Variants in VPS4B observed in about 807,000 individuals in gnomAD.
VPS4B encodes the protein vacuolar protein sorting-associated protein 4B.
VPS4B carries 23 observed loss-of-function variants against 56.1 expected under a neutral mutation model. The ratio of observed to expected loss-of-function variants is 0.41; its 90% CI spans 0.30 to 0.58. VPS4B has a LOEUF of 0.58. Among genes scored for constraint, VPS4B ranks in the 20% least tolerant of loss-of-function variants. The probability of loss-of-function intolerance (pLI) is 0.29; values close to 1 mark genes in which losing one functional copy is unlikely to be tolerated. For missense variants in VPS4B, 372 were observed against 531.9 expected, an observed-to-expected ratio of 0.70 and a Z score of 2.96; for synonymous variants, 177 against 186.0, an observed-to-expected ratio of 0.95 and a Z score of 0.39.
chr18:63,406,395 C>T (rs925880347), intron 4 of VPS4B, among the ~76,000 whole-genome samples: 85 of 152,168 alleles, frequency 5.6e-4, no homozygotes, highest in Non-Finnish European at 1.5e-4. Flanking sequence ...ACTACCAAAA[C>T]GAAGACACTA....
chr18:63,398,307 T>A (rs1466967836), intron 8 of VPS4B, among the ~76,000 whole-genome samples: 1 of 151,892 alleles, frequency 6.6e-6, no homozygotes, highest in African/African-American at 2.4e-5. Context: ...CTCCGCCTCC[T>A]GGGCTCAAGC....
In VPS4B at chr18:63,400,540, T is replaced by C. The variant is rs780723369; in HGVS notation, c.641+7A>G. The stretch of plus-strand genomic sequence containing the variant: ...AAAAAACTTTAAAAAATTGATTTAC[T>C]ACTTACTTTTCACTTTCACCTAGCC... On this transcript the variant is annotated splice_region_variant and intron_variant, in intron 6 of 10. Transcript: ENST00000238497. 1.9e-6 allele frequency: 3 copies of C among 1,603,062 alleles called. No homozygotes were observed.
In VPS4B at chr18:63,398,596, C is replaced by T. The variant is rs563635069; in HGVS notation, c.872+646G>A. On this transcript the variant is annotated intron_variant, in intron 8 of 10. Transcript: ENST00000238497. ...CTCACATCTGTAATTCCAGCACTCT[C>T]GGAGGCTGAGGCGGGTGGATCATGA... 1.4e-3 allele frequency among the ~76,000 whole-genome samples: 209 copies of T among 151,698 alleles called. 2 individuals carry two copies. Among genetic ancestry groups the T allele is most frequent in the African/African-American group, 4.8e-3 (197 of 41,378 alleles).
chr18:63,416,186 A>T (rs1916158236), intron 1 of VPS4B: 2 of 183,308 alleles, frequency 1.1e-5, no homozygotes, highest in Non-Finnish European at 2.4e-5. Flanking sequence ...ATCTAAGACA[A>T]ACTTGCCCTT....
At position 63,390,981 on chromosome 18, in the gene VPS4B, T is replaced by G. The variant is rs1915536152; in HGVS notation, c.1329A>C (p.Glu443Asp). ...CATCTTCCTTGTCTTTGGCTTAGCC[T>G]TCTTGACCAAAATCTTCTGTAAACT... The part of the protein sequence containing the change: ...LKKFTEDFGQ[E>D]G Residue 443 changes from glutamate (E) to aspartate (D), a missense_variant, in exon 11 of 11, where the codon GAA becomes GAC. By Grantham distance (45) the Glu-to-Asp change is conservative (BLOSUM62 2). This residue lies in a region of VPS4B where 153 missense variants were observed against 190.9 expected (regional missense o/e 0.80). Coordinates refer to ENST00000238497, the MANE Select transcript of VPS4B (RefSeq NM_004869.4). The G allele has an allele frequency of 5.0e-6, 8 of 1,609,280 alleles. No homozygotes were observed. Among genetic ancestry groups the G allele is most frequent in the Non-Finnish European group, 6.8e-6 (8 of 1,176,044 alleles).
At chr18:63,421,578 G>A (rs1280943893) in intron 1 of VPS4B, among the ~76,000 whole-genome samples, 1 of 152,196 alleles carries the variant, frequency 6.6e-6, no homozygotes, top group Non-Finnish European at 1.5e-5. Flanking sequence ...CCATTCCACA[G>A]AGGACTAACG....
At chr18:63,393,348 CT>C in intron 10 of VPS4B, 60 bp downstream of exon 10, 1 of 1,424,214 alleles carries the variant, frequency 7.0e-7, no homozygotes, top group South Asian at 1.6e-5. Flanking sequence ...TCTTATATAA[CT>C]GAAAATTATG....
intron 1 of VPS4B, among the ~76,000 whole-genome samples, chr18:63,419,711 GAC>G (rs1405397471): frequency 6.6e-6 from 1 of 152,176 alleles, no homozygotes; most frequent in African/African-American, 2.4e-5. Context: ...TGAAGTGAAT[GAC>G]ACAGGCATTG....
At chr18:63,402,310 T>C (rs922740745) in intron 5 of VPS4B, among the ~76,000 whole-genome samples, 1 of 152,176 alleles carries the variant, frequency 6.6e-6, no homozygotes, top group Non-Finnish European at 1.5e-5. Flanking sequence ...GTCTTTTCAA[T>C]AACGTTACTA....
In VPS4B at chr18:63,390,861, G is replaced by A. The variant is rs1915532506; in HGVS notation, c.*114C>T. On this transcript the variant is annotated 3_prime_UTR_variant, in exon 11 of 11. Transcript: ENST00000238497. ...ACCTAATGGAACTCTGAAGTGAGAT[G>A]TGTATTTCCCTGTGGTAAAAGAGTT... is the stretch of plus-strand genomic sequence containing the variant. 2 of 668,220 alleles carry A rather than the reference G, an allele frequency of 3.0e-6. No individual in the cohort carries two copies. The highest frequency in any genetic ancestry group is 5.7e-5 in the Admixed American group (2 of 34,924). The allele number at this position is 668,220 out of a possible 1,614,324, so 41.4% of individuals were successfully genotyped here.
At chr18:63,392,591 C>T (rs973256661) in intron 10 of VPS4B, among the ~76,000 whole-genome samples, 1 of 150,864 alleles carries the variant, frequency 6.6e-6, no homozygotes, top group African/African-American at 2.4e-5. Context: ...TGGGACTACA[C>T]GCACGTGCCA....
intron 4 of VPS4B, among the ~76,000 whole-genome samples, chr18:63,406,086 A>C (rs1380848541): frequency 1.3e-5 from 2 of 152,216 alleles, no homozygotes; most frequent in Non-Finnish European, 2.9e-5. Flanking sequence ...AACAAAACCA[A>C]ATCCAATAGA....
At chr18:63,414,811 C>T (rs1466021370) in intron 1 of VPS4B, among the ~76,000 whole-genome samples, 1 of 152,252 alleles carries the variant, frequency 6.6e-6, no homozygotes, top group Non-Finnish European at 1.5e-5. Flanking sequence ...CTCACCTCTT[C>T]AGCCACTTGT....
At chr18:63,408,638 CCA>C (rs1915968143) in intron 3 of VPS4B, among the ~76,000 whole-genome samples, 1 of 152,190 alleles carries the variant, frequency 6.6e-6, no homozygotes, top group Non-Finnish European at 1.5e-5. Context: ...CTCCCAAGCA[CCA>C]TCAGTGCTTA....
At chr18:63,407,244 A>G (rs866944067) in intron 4 of VPS4B, 188 bp downstream of exon 4, 3 of 557,528 alleles carry the variant, frequency 5.4e-6, no homozygotes, top group Middle Eastern at 4.8e-4. Flanking sequence ...AAAAAGACCA[A>G]ACCATGATCC....
intron 1 of VPS4B, among the ~76,000 whole-genome samples, chr18:63,418,692 G>A (rs1049128647): frequency 6.6e-6 from 1 of 152,068 alleles, no homozygotes; most frequent in Non-Finnish European, 1.5e-5. Flanking sequence ...GAGCCACTGC[G>A]CCTGGCCTGG....
At chr18:63,397,477 T>C (rs1451772287) in intron 8 of VPS4B, among the ~76,000 whole-genome samples, 1 of 152,186 alleles carries the variant, frequency 6.6e-6, no homozygotes, top group African/African-American at 2.4e-5. Flanking sequence ...TTGGGTTATT[T>C]TGGCCACAGT....
At chr18:63,402,020 C>CA (rs1245125244) in intron 5 of VPS4B, among the ~76,000 whole-genome samples, 6 of 151,498 alleles carry the variant, frequency 4.0e-5, no homozygotes, top group Admixed American at 1.3e-4. Context: ...CAAAACAAAA[C>CA]AAAAAAAACT....
At position 63,410,138 on chromosome 18, in the gene VPS4B, G is replaced by A. The variant is rs148714376; in HGVS notation, c.296+152C>T. ...CAACAATATGTAAAAGAATGGGCACGGCTGTGTTCTGATAAAGCTTATTCC... is the reference window on the plus strand; with the variant it reads ...CAACAATATGTAAAAGAATGGGCACAGCTGTGTTCTGATAAAGCTTATTCC... On this transcript the variant is annotated intron_variant, in intron 3 of 10. Coordinates refer to ENST00000238497, the MANE Select transcript of VPS4B (RefSeq NM_004869.4). The A allele has an allele frequency of 3.7e-4, 362 of 989,218 alleles. 1 individual carries two copies. In the African/African-American group the frequency reaches 4.7e-3, roughly 13 times the overall value. The allele number at this position is 989,218 out of a possible 1,614,324, so 61.3% of individuals were successfully genotyped here. A position where few individuals can be genotyped will look rare whatever the true frequency, so the allele number is the denominator to read the frequency against.
Sources: gnomAD v4.1 joint callset for allele counts (sites outside exome capture counted in the v4.1 genomes callset) on GRCh38, gnomAD v4.1.1 for gene constraint, gnomAD v4.1.1 regional missense constraint, MANE v1.5 for transcripts, NCBI Gene and HGNC (gene_info 2026-07-23, HGNC 2026-07-21) for gene names.